The following FAM161A variants were observed in gnomAD, a reference collection of about 807,000 sequenced individuals.
FAM161A encodes the protein protein FAM161A.
In FAM161A, 57 loss-of-function variants were observed where a neutral mutation model predicts 70.9. The observed-to-expected ratio is 0.80, with a 90% CI of 0.65 to 1.00. The LOEUF (loss-of-function observed/expected upper bound fraction) is 1.00. Ranked by LOEUF, FAM161A falls within the 50% of genes least tolerant of loss-of-function variation. The pLI, the probability that FAM161A is intolerant of heterozygous loss-of-function variation, is 0.00. For synonymous variants in FAM161A, 299 were observed against 295.7 expected (o/e 1.01, Z -0.12); for missense variants, 880 against 836.0 (o/e 1.05, Z -0.65).
At chr2:61,804,853 G>T in the FAM161A span, among the ~76,000 whole-genome samples, 1 of 149,628 alleles carries the variant, frequency 6.7e-6, no homozygotes, top group East Asian at 2.0e-4. Context: ...AAGGAAGAAG[G>T]GAGGGAGGGA....
Position 61,839,749 on chromosome 2 carries a change from T to G in FAM161A, c.1255A>C (p.Lys419Gln). Residue 419 changes from lysine (K) to glutamine (Q), a missense_variant, in exon 3 of 7, where the codon AAG becomes CAG. Lys to Gln is a moderately conservative substitution (Grantham distance 53). Transcript: ENST00000404929. ...PRCPEQAVKLKCKHKVRCPTP... is the reference protein window; with the variant it reads ...PRCPEQAVKLQCKHKVRCPTP... ...GGGCACCTAACCTTGTGTTTACACT[T>G]CAACTTTACAGCCTGTTCAGGACAC... 1 of 1,614,200 alleles carries G rather than the reference T, an allele frequency of 6.2e-7. No individual in the cohort carries two copies. Among genetic ancestry groups the G allele is most frequent in the Non-Finnish European group, 8.5e-7 (1 of 1,180,036 alleles).
chr2:61,819,392 G>A, the FAM161A span, among the ~76,000 whole-genome samples: 23 of 152,270 alleles, frequency 1.5e-4, no homozygotes, highest in African/African-American at 5.3e-4. Context: ...GAGCCCAGGA[G>A]GCAGAGGTTA....
At chr2:61,819,661 A>G in the FAM161A span, among the ~76,000 whole-genome samples, 1 of 151,964 alleles carries the variant, frequency 6.6e-6, no homozygotes, top group Admixed American at 6.6e-5. Context: ...CTCCTGTCCT[A>G]TTTTGATTCT....
At chr2:61,842,467 T>C (rs1352900966) in intron 1 of FAM161A, 107 bp from the exon 2 acceptor site, 10 of 671,218 alleles carry the variant, frequency 1.5e-5, no homozygotes, top group Non-Finnish European at 2.3e-5. Context: ...AGTTAGGTTA[T>C]ACATTAATTA....
At chr2:61,833,685 T>C (rs1213682725) in intron 5 of FAM161A, among the ~76,000 whole-genome samples, 1 of 152,054 alleles carries the variant, frequency 6.6e-6, no homozygotes, top group Non-Finnish European at 1.5e-5. Flanking sequence ...TGAAAGAATG[T>C]TACTGAATAA....
At chr2:61,823,718 A>C (rs1672261116), downstream of FAM161A, among the ~76,000 whole-genome samples, 1 of 152,164 alleles carries the variant, frequency 6.6e-6, no homozygotes, top group Non-Finnish European at 1.5e-5. Flanking sequence ...TATGTGTAAA[A>C]TAACTTAATC....
chr2:61,823,493 T>C (rs902618072), downstream of FAM161A, among the ~76,000 whole-genome samples: 3 of 151,318 alleles, frequency 2.0e-5, no homozygotes, highest in African/African-American at 4.9e-5. Context: ...GCTTCCCGAG[T>C]ATCTGGGACT....
At chr2:61,850,669 A>C (rs1673466872) in intron 1 of FAM161A, among the ~76,000 whole-genome samples, 1 of 152,060 alleles carries the variant, frequency 6.6e-6, no homozygotes, top group Admixed American at 6.6e-5. Flanking sequence ...GAGGAGATTG[A>C]TTGATCCTGG....
At position 61,839,949 on chromosome 2, in the gene FAM161A, G is replaced by C. The variant is rs763244954; in HGVS notation, c.1055C>G (p.Thr352Arg). The C allele has an allele frequency of 6.2e-7, 1 of 1,614,200 alleles. No individual in the cohort carries two copies. The highest frequency in any genetic ancestry group is 1.1e-5 in the South Asian group (1 of 91,082). Residue 352 changes from threonine (T) to arginine (R), a missense_variant, in exon 3 of 7, where the codon ACA becomes AGA. Coordinates refer to ENST00000404929, the MANE Select transcript of FAM161A (RefSeq NM_001201543.2). ...AATGGGTCTGGCTTTAAATCGATTT[G>C]TTTTCTTTTTATACTTAAGAAAGTC... is the stretch of plus-strand genomic sequence containing the variant. ...LRDFLKYKKK[T>R]NRFKARPIPR...
chr2:61,846,318 G>A (rs967773570), intron 1 of FAM161A, among the ~76,000 whole-genome samples: 1 of 152,018 alleles, frequency 6.6e-6, no homozygotes, highest in Non-Finnish European at 1.5e-5. Flanking sequence ...GGGAGGTTAG[G>A]GCAAGCAAGA....
At chr2:61,801,192 C>T in the FAM161A span, among the ~76,000 whole-genome samples, 3 of 152,146 alleles carry the variant, frequency 2.0e-5, no homozygotes, top group African/African-American at 7.2e-5. Context: ...TCTTAAAGAA[C>T]ACCACTTTAA....
the FAM161A span, among the ~76,000 whole-genome samples, chr2:61,809,023 C>T: frequency 1.3e-5 from 2 of 152,268 alleles, no homozygotes; most frequent in African/African-American, 4.8e-5. Flanking sequence ...CAGGCACCTG[C>T]CACCACACAC....
chr2:61,800,656 G>A, the FAM161A span, among the ~76,000 whole-genome samples: 1 of 151,050 alleles, frequency 6.6e-6, no homozygotes, highest in Non-Finnish European at 1.5e-5. Context: ...GAGAGGCTGG[G>A]CATTCAATAT....
the FAM161A span, among the ~76,000 whole-genome samples, chr2:61,804,796 A>AAGAC: frequency 6.6e-6 from 1 of 150,482 alleles, no homozygotes; most frequent in African/African-American, 2.5e-5. Context: ...GAAAGAAAGA[A>AAGAC]AGAAAGAAAG....
intron 5 of FAM161A, among the ~76,000 whole-genome samples, chr2:61,834,979 G>A (rs1264293888): frequency 6.6e-6 from 1 of 151,946 alleles, no homozygotes; most frequent in African/African-American, 2.4e-5. Context: ...TCCCCCTAAA[G>A]TTGAAATAAA....
Position 61,840,317 on chromosome 2 carries a change from T to C in FAM161A, c.687A>G (p.Arg229=). The change falls in exon 3 of 7, where the codon CGA becomes CGG. Residue 229 remains arginine (R), a synonymous_variant. Transcript: ENST00000404929. ...CTGTAATTGTGGGCACCCATTCTTT[T>C]CGTTTCTTCCTTCTTTTTTCAGCTG... The part of the protein sequence containing the change: ...FHAAEKRRKK[R]KEWVPTITVP... 1 of 1,614,150 alleles carries C rather than the reference T, an allele frequency of 6.2e-7. No individual in the cohort carries two copies. The highest frequency in any genetic ancestry group is 2.2e-5 in the East Asian group (1 of 44,884).
At chr2:61,839,369 T>G (rs1672907878) in intron 3 of FAM161A, 52 bp downstream of exon 3, 6 of 1,531,798 alleles carry the variant, frequency 3.9e-6, no homozygotes, top group Non-Finnish European at 5.4e-6. Context: ...CAGAGCTGCA[T>G]ACACTCATCT....
chr2:61,813,458 T>C, the FAM161A span, among the ~76,000 whole-genome samples: 1 of 143,870 alleles, frequency 7.0e-6, no homozygotes, highest in African/African-American at 2.6e-5. Context: ...TGAGGCAGAA[T>C]AATTGCTTGA....
chr2:61,846,515 G>A (rs912547756), intron 1 of FAM161A, among the ~76,000 whole-genome samples: 1 of 152,114 alleles, frequency 6.6e-6, no homozygotes, highest in African/African-American at 2.4e-5. Flanking sequence ...CCTGGGCTCC[G>A]CACTTAGCAA....
Sources: allele counts gnomAD v4.1 joint callset (sites outside exome capture counted in the v4.1 genomes callset), GRCh38; gene constraint gnomAD v4.1.1; transcripts MANE v1.5; gene names NCBI Gene and HGNC (gene_info 2026-07-23, HGNC 2026-07-21).